The following RNF168 variants were observed in gnomAD, a reference collection of about 807,000 sequenced individuals.
RNF168 encodes the protein ring finger protein 168.
A neutral mutation model predicts 34.9 loss-of-function variants in RNF168; 34 were observed. That is an observed-to-expected ratio of 0.97 (90% CI 0.74 to 1.30). The LOEUF is 1.30. Among genes scored for constraint, RNF168 ranks in the 50% most tolerant of loss-of-function variants. The probability of loss-of-function intolerance (pLI) is 0.00; values close to 1 mark genes in which losing one functional copy is unlikely to be tolerated. For missense variants in RNF168, 725 were observed against 682.5 expected (o/e 1.06, Z -0.69); for synonymous variants, 264 against 254.7 (o/e 1.04, Z -0.35).
In RNF168 at chr3:196,487,461, T is replaced by C. The variant is rs760613076; in HGVS notation, c.496A>G (p.Arg166Gly). The stretch of plus-strand genomic sequence containing the variant: ...CTTTTCAGTTGTTCTTCCATCGCTC[T>C]TCGCCTTTTTTCTGCCTGTCTTTTT... ...EEKRQAEKRR[R>G]AMEEQLKSDE... Residue 166 changes from arginine (R) to glycine (G), a missense_variant, in exon 3 of 6, where the codon AGA (arginine) becomes GGA (glycine). Coordinates refer to ENST00000318037, the MANE Select transcript of RNF168 (RefSeq NM_152617.4). 6 of 1,614,230 alleles carry C rather than the reference T, an allele frequency of 3.7e-6. No individual in the cohort carries two copies. Among genetic ancestry groups the C allele is most frequent in the Admixed American group, 1.7e-5 (1 of 60,028 alleles).
rs1732626976 is a variant in RNF168 at position 196,492,770 on chromosome 3, T to TC, written c.302-4088dup. On this transcript the variant is annotated intron_variant, in intron 1 of 5. Transcript: ENST00000318037. ...TCCAGCCTGGGTGACAGAGAGAGAC[T>TC]CCATCTCAAATAAATAAATAAATAA... 7.9e-5 allele frequency among the ~76,000 whole-genome samples: 12 copies of TC among 150,990 alleles called. No homozygotes were observed. The South Asian group carries it at 2.5e-3, about 32-fold the overall frequency.
chr3:196,498,319 G>T (rs986663675), intron 1 of RNF168, among the ~76,000 whole-genome samples: 1 of 152,122 alleles, frequency 6.6e-6, no homozygotes, highest in East Asian at 1.9e-4. Context: ...ACCACACCCG[G>T]CTAATTTTTG....
At chr3:196,498,624 T>C (rs764367276) in intron 1 of RNF168, among the ~76,000 whole-genome samples, 9 of 152,144 alleles carry the variant, frequency 5.9e-5, no homozygotes, top group Non-Finnish European at 1.3e-4. Context: ...TGAAGCACTG[T>C]ATCAGTGGAG....
intron 5 of RNF168, 181 bp downstream of exon 5, chr3:196,475,050 T>TA (rs939875124): frequency 1.6e-5 from 9 of 577,250 alleles, no homozygotes; most frequent in Non-Finnish European, 2.5e-5. Context: ...TATGTTTATT[T>TA]AAAAAATTGT....
intron 4 of RNF168, among the ~76,000 whole-genome samples, chr3:196,476,754 T>C (rs1732159243): frequency 6.7e-6 from 1 of 149,622 alleles, no homozygotes; most frequent in Non-Finnish European, 1.5e-5. Flanking sequence ...TTTACATTTC[T>C]TTCTTTTTTT....
At chr3:196,493,118 G>T (rs942596052) in intron 1 of RNF168, among the ~76,000 whole-genome samples, 6 of 152,074 alleles carry the variant, frequency 3.9e-5, no homozygotes, top group Non-Finnish European at 7.4e-5. Context: ...AATCACCAGA[G>T]AATTAGTGTC....
intron 1 of RNF168, among the ~76,000 whole-genome samples, chr3:196,502,366 C>A (rs1577526515): frequency 6.6e-6 from 1 of 152,090 alleles, no homozygotes; most frequent in Admixed American, 6.6e-5. Context: ...GCGGGCGGAT[C>A]CCTTGAGGTC....
At chr3:196,500,313 A>G (rs981538425) in intron 1 of RNF168, among the ~76,000 whole-genome samples, 1 of 152,258 alleles carries the variant, frequency 6.6e-6, no homozygotes, top group Non-Finnish European at 1.5e-5. Context: ...ACACTGGAAC[A>G]TTATTCAGCC....
chr3:196,475,969 T>C (rs543915210), intron 4 of RNF168, among the ~76,000 whole-genome samples: 3 of 149,822 alleles, frequency 2.0e-5, no homozygotes, highest in African/African-American at 4.9e-5. Flanking sequence ...AAGCGATTTT[T>C]CTGCCTTAGC....
At chr3:196,485,781 TA>T (rs1216211827) in intron 3 of RNF168, among the ~76,000 whole-genome samples, 1 of 89,286 alleles carries the variant, frequency 1.1e-5, no homozygotes, top group African/African-American at 4.9e-5. Context: ...TATATACATA[TA>T]TATTTTTTTA....
intron 4 of RNF168, among the ~76,000 whole-genome samples, chr3:196,481,962 C>CTTTT (rs1270244249): frequency 1.5e-5 from 2 of 135,388 alleles, no homozygotes; most frequent in East Asian, 2.3e-4. Context: ...CTGTCCCTGG[C>CTTTT]TTTTTTTTTT....
intron 5 of RNF168, 48 bp downstream of exon 5, chr3:196,475,183 A>G (rs1490697836): frequency 2.9e-6 from 3 of 1,029,044 alleles, no homozygotes; most frequent in Non-Finnish European, 3.1e-6. Context: ...ACTAATCTAC[A>G]GCATTAATGA....
At chr3:196,472,873 A>C in intron 5 of RNF168, 101 bp from the exon 6 acceptor site, 3 of 700,756 alleles carry the variant, frequency 4.3e-6, no homozygotes, top group Non-Finnish European at 7.7e-6. Flanking sequence ...GTCACTATAC[A>C]TTATTATTAC....
chr3:196,490,260 C>A (rs1004727910), intron 1 of RNF168, among the ~76,000 whole-genome samples: 73 of 152,240 alleles, frequency 4.8e-4, no homozygotes, highest in African/African-American at 1.7e-3. Context: ...GGTATGTATC[C>A]TCAACAAATC....
chr3:196,503,019 G>A lies in RNF168; in HGVS notation c.155C>T (p.Pro52Leu). 1 of 1,614,086 alleles carries A rather than the reference G, an allele frequency of 6.2e-7. No homozygotes were observed. The highest frequency in any genetic ancestry group is 8.5e-7 in the Non-Finnish European group (1 of 1,180,026). Residue 52 changes from proline to leucine, a missense_variant, in exon 1 of 6, where the codon CCC becomes CTC. Coordinates refer to ENST00000318037, the MANE Select transcript of RNF168 (RefSeq NM_152617.4). ...STVEKASLCC[P>L]FCRRRVSSWT... ...CGACGATACCCGGCGGCGACAGAAG[G>A]GACAGCATAAACTCGCCTTTTCGAC...
chr3:196,499,805 A>C (rs1054773202), intron 1 of RNF168, among the ~76,000 whole-genome samples: 2 of 152,248 alleles, frequency 1.3e-5, no homozygotes, highest in Non-Finnish European at 2.9e-5. Flanking sequence ...TTTTGGGAGA[A>C]AAACAGAAAC....
intron 2 of RNF168, 146 bp downstream of exon 2, chr3:196,488,461 G>C (rs1732510490): frequency 1.9e-6 from 1 of 525,058 alleles, no homozygotes; most frequent in East Asian, 3.5e-5. Flanking sequence ...CAGCCTGGGT[G>C]ACAGAGTGAG....
chr3:196,487,295 T>G, intron 3 of RNF168, 104 bp downstream of exon 3: 1 of 1,015,558 alleles, frequency 9.8e-7, no homozygotes, highest in Non-Finnish European at 1.6e-6. Flanking sequence ...ATTTGTGGGA[T>G]GCAGAACCTG....
intron 5 of RNF168, 108 bp from the exon 6 acceptor site, chr3:196,472,880 T>C: frequency 1.5e-6 from 1 of 682,380 alleles, no homozygotes; most frequent in South Asian, 1.6e-5. Flanking sequence ...TACATTATTA[T>C]TACTAATAAG....
Sources: gnomAD v4.1 joint callset for allele counts (sites outside exome capture counted in the v4.1 genomes callset) on GRCh38, gnomAD v4.1.1 for gene constraint, MANE v1.5 for transcripts, NCBI Gene and HGNC (gene_info 2026-07-23, HGNC 2026-07-21) for gene names.